The following SCHIP1 variants were observed in gnomAD, a reference collection of about 807,000 sequenced individuals.
SCHIP1 encodes schwannomin-interacting protein 1.
SCHIP1 carries 8 observed loss-of-function variants against 29.7 expected under a neutral mutation model. The ratio of observed to expected loss-of-function variants is 0.27; its 90% CI spans 0.16 to 0.49. SCHIP1 has a LOEUF of 0.49. SCHIP1 is among the 20% of genes least tolerant of loss of function. SCHIP1 has a pLI of 0.99. For missense variants in SCHIP1, 193 were observed against 294.6 expected (o/e 0.66, Z 2.52); for synonymous variants, 76 against 94.9 (o/e 0.80, Z 1.16).
the SCHIP1 span, among the ~76,000 whole-genome samples, chr3:159,676,785 A>T: frequency 7.2e-5 from 11 of 152,168 alleles, no homozygotes; most frequent in Non-Finnish European, 1.5e-4. Flanking sequence ...GTGGTCATCC[A>T]ACCACCATCA....
the SCHIP1 span, among the ~76,000 whole-genome samples, chr3:159,584,828 T>C: frequency 6.6e-6 from 1 of 151,998 alleles, no homozygotes; most frequent in South Asian, 2.1e-4. Context: ...TGGGTGGCTT[T>C]CCTAGGTAGT....
At chr3:159,318,793 G>T in the SCHIP1 span, among the ~76,000 whole-genome samples, 1 of 152,190 alleles carries the variant, frequency 6.6e-6, no homozygotes, top group Non-Finnish European at 1.5e-5. Context: ...ATGCTGCTGA[G>T]CATGACCCAC....
the SCHIP1 span, among the ~76,000 whole-genome samples, chr3:159,665,514 T>C: frequency 6.6e-6 from 1 of 151,826 alleles, no homozygotes; most frequent in African/African-American, 2.4e-5. Context: ...TATATGTTTG[T>C]TTTTTGTTGT....
At chr3:159,680,907 A>G in the SCHIP1 span, among the ~76,000 whole-genome samples, 50 of 150,374 alleles carry the variant, frequency 3.3e-4, no homozygotes, top group Admixed American at 2.2e-3. Context: ...TTAAACTTTT[A>G]TTTTGTATCA....
the SCHIP1 span, among the ~76,000 whole-genome samples, chr3:159,599,559 C>T: frequency 2.8e-3 from 424 of 152,224 alleles, 3 homozygotes; most frequent in African/African-American, 9.5e-3. Context: ...ATTCCATGTA[C>T]GTTGCTTCAA....
the SCHIP1 span, among the ~76,000 whole-genome samples, chr3:159,488,514 G>C: frequency 9.9e-5 from 15 of 152,212 alleles, no homozygotes; most frequent in African/African-American, 3.6e-4. Flanking sequence ...GGCTGAAGTT[G>C]ACAGAGGGGA....
At chr3:159,298,428 A>C in the SCHIP1 span, among the ~76,000 whole-genome samples, 1 of 152,200 alleles carries the variant, frequency 6.6e-6, no homozygotes, top group East Asian at 1.9e-4. Flanking sequence ...CAGGCTCCCC[A>C]GGATCTTTGT....
chr3:159,705,172 C>A, the SCHIP1 span, among the ~76,000 whole-genome samples: 1 of 152,134 alleles, frequency 6.6e-6, no homozygotes, highest in Non-Finnish European at 1.5e-5. Context: ...CCATGTTGGC[C>A]AGGCTGGTCT....
chr3:159,654,802 T>TAAAA, the SCHIP1 span, among the ~76,000 whole-genome samples: 87 of 103,712 alleles, frequency 8.4e-4, 1 homozygote, highest in African/African-American at 2.7e-3. Flanking sequence ...TGACTTTAAG[T>TAAAA]AAAAAAAAAA....
intron 1 of SCHIP1, among the ~76,000 whole-genome samples, chr3:159,844,083 T>C (rs1448508352): frequency 6.6e-6 from 1 of 152,150 alleles, no homozygotes; most frequent in East Asian, 1.9e-4. Flanking sequence ...ACAAGTCAGT[T>C]ATCATGAATT....
At chr3:159,506,032 G>A in the SCHIP1 span, among the ~76,000 whole-genome samples, 6 of 152,300 alleles carry the variant, frequency 3.9e-5, no homozygotes, top group South Asian at 2.1e-4. Context: ...CTAGATCCCT[G>A]AGGAATCGCC....
At chr3:159,897,100 G>A in exon 7 of SCHIP1, 1 of 187,202 alleles carries the variant, frequency 5.3e-6, no homozygotes, top group Non-Finnish European at 1.1e-5. Context: ...TTTTCCCATT[G>A]ACTACTTTTC....
At chr3:159,491,135 T>A in the SCHIP1 span, among the ~76,000 whole-genome samples, 1 of 152,216 alleles carries the variant, frequency 6.6e-6, no homozygotes, top group African/African-American at 2.4e-5. Context: ...GGAGCCAAGA[T>A]GGCCGAATAG....
chr3:159,755,404 T>A, the SCHIP1 span, among the ~76,000 whole-genome samples: 1 of 152,218 alleles, frequency 6.6e-6, no homozygotes, highest in East Asian at 1.9e-4. Context: ...AACCATCAGA[T>A]CTTGTGAGAC....
chr3:159,294,660 C>T, the SCHIP1 span, among the ~76,000 whole-genome samples: 3 of 152,146 alleles, frequency 2.0e-5, no homozygotes, highest in East Asian at 1.9e-4. Flanking sequence ...GACTCAGATT[C>T]CCTCCTTCAA....
the SCHIP1 span, among the ~76,000 whole-genome samples, chr3:159,643,576 G>A: frequency 8.5e-5 from 13 of 152,058 alleles, no homozygotes; most frequent in African/African-American, 2.7e-4. Context: ...ATGGCATGAG[G>A]AAAGAGATTA....
chr3:159,347,138 C>T, the SCHIP1 span, among the ~76,000 whole-genome samples: 7 of 152,140 alleles, frequency 4.6e-5, no homozygotes, highest in Non-Finnish European at 7.3e-5. Flanking sequence ...GACGATAGTA[C>T]GTGCACATTG....
At chr3:159,579,620 G>C in the SCHIP1 span, among the ~76,000 whole-genome samples, 1 of 152,162 alleles carries the variant, frequency 6.6e-6, no homozygotes, top group African/African-American at 2.4e-5. Flanking sequence ...GAGTTGAGAG[G>C]AAGGAATAAC....
At chr3:159,665,966 G>A in the SCHIP1 span, among the ~76,000 whole-genome samples, 2 of 152,226 alleles carry the variant, frequency 1.3e-5, no homozygotes, top group East Asian at 3.9e-4. Flanking sequence ...CAGTCTCCAT[G>A]CTACTCTGCA....
Sources: allele counts gnomAD v4.1 joint callset (sites outside exome capture counted in the v4.1 genomes callset), GRCh38; gene constraint gnomAD v4.1.1; transcripts MANE v1.5; gene names NCBI Gene and HGNC (gene_info 2026-07-23, HGNC 2026-07-21).